SLC36A1: variants seen among roughly 807,000 people sequenced by gnomAD.
SLC36A1 encodes the protein solute carrier family 36 member 1.
Under a neutral mutation model 47.5 loss-of-function variants are expected in SLC36A1, and 30 were observed. The observed-to-expected ratio is 0.63, with a 90% confidence interval of 0.47 to 0.86. SLC36A1 has a LOEUF of 0.86. SLC36A1 is among the 40% of genes least tolerant of loss of function. The pLI, the probability that SLC36A1 is intolerant of heterozygous loss-of-function variation, is 0.00. For missense variants in SLC36A1, 517 were observed against 606.0 expected (o/e 0.85, Z 1.54); for synonymous variants, 255 against 249.7 (o/e 1.02, Z -0.20).
At chr5:151,371,543 G>A in the SLC36A1 span, among the ~76,000 whole-genome samples, 1 of 152,058 alleles carries the variant, frequency 6.6e-6, no homozygotes, top group Non-Finnish European at 1.5e-5. Context: ...TAGGGAGACA[G>A]AACAGAAATT....
At chr5:151,439,760 G>C (rs1222885659) in intron 1 of SLC36A1, among the ~76,000 whole-genome samples, 1 of 151,832 alleles carries the variant, frequency 6.6e-6, no homozygotes, top group Non-Finnish European at 1.5e-5. Context: ...CTTTTCCTAT[G>C]TACTTGAGCT....
At chr5:151,525,011 C>G in the SLC36A1 span, among the ~76,000 whole-genome samples, 1 of 152,234 alleles carries the variant, frequency 6.6e-6, no homozygotes, top group Admixed American at 6.5e-5. Flanking sequence ...CAATGGAAAG[C>G]CCCTGGAGAC....
the SLC36A1 span, among the ~76,000 whole-genome samples, chr5:151,429,184 AT>A: frequency 2.6e-5 from 4 of 151,852 alleles, no homozygotes; most frequent in Non-Finnish European, 4.4e-5. Context: ...CTATGATTTT[AT>A]TTTTTTATTT....
upstream of SLC36A1, among the ~76,000 whole-genome samples, chr5:151,435,585 A>G (rs879232905): frequency 6.6e-6 from 1 of 152,162 alleles, no homozygotes; most frequent in Non-Finnish European, 1.5e-5. Context: ...TTAAGTGCCT[A>G]TATTTTCTGC....
rs1759927151 is a variant in SLC36A1, at chr5:151,489,410, A to G, written c.*1156A>G. 6.6e-6 allele frequency: 1 copy of G among 152,640 alleles called. No individual in the cohort carries two copies. Among genetic ancestry groups the G allele is most frequent in the Admixed American group, 6.5e-5 (1 of 15,276 alleles). The allele number at this position is 152,640 out of a possible 1,614,324, so 9.5% of individuals were successfully genotyped here. On this transcript the variant is annotated 3_prime_UTR_variant, in exon 11 of 11. Coordinates refer to ENST00000243389, the MANE Select transcript of SLC36A1 (RefSeq NM_078483.4). This position sits in a 1 kb window ranked among gnomAD's most constrained non-coding sequence, Gnocchi z 4.5. Reference sequence around the variant, plus strand: ...CGATGAGTAGCTGAGGTCAGTGTGCACAGAGTTTGAAATTAAGTTAATAGA... The same window carrying G: ...CGATGAGTAGCTGAGGTCAGTGTGCGCAGAGTTTGAAATTAAGTTAATAGA...
the SLC36A1 span, chr5:151,531,929 C>A: frequency 6.2e-7 from 1 of 1,614,202 alleles, no homozygotes; most frequent in Non-Finnish European, 8.5e-7. The surrounding 1 kb of genome is among the most constrained non-coding windows in gnomAD (Gnocchi z 5.7). Context: ...AAGTGGCCTT[C>A]GGCTGAATCC....
At chr5:151,507,247 A>C in the SLC36A1 span, 2 of 1,614,204 alleles carry the variant, frequency 1.2e-6, no homozygotes, top group South Asian at 2.2e-5. Flanking sequence ...GGCACACTGC[A>C]GACCACTGGC....
the SLC36A1 span, among the ~76,000 whole-genome samples, chr5:151,358,959 C>A: frequency 8.4e-6 from 1 of 118,896 alleles, no homozygotes; most frequent in Non-Finnish European, 1.6e-5. Flanking sequence ...CCGGCCTGGG[C>A]GACAGAGCGA....
chr5:151,382,341 G>A, the SLC36A1 span: 3 of 861,904 alleles, frequency 3.5e-6, no homozygotes, highest in South Asian at 4.5e-5. Context: ...CCTCCCTGTA[G>A]ATCTGGCCAT....
the SLC36A1 span, chr5:151,532,016 C>G: frequency 4.4e-6 from 7 of 1,593,810 alleles, no homozygotes; most frequent in African/African-American, 6.7e-5. Flanking sequence ...GGCGCCTCCT[C>G]TGGACCTGCC....
At chr5:151,430,076 A>G in the SLC36A1 span, among the ~76,000 whole-genome samples, 1 of 151,878 alleles carries the variant, frequency 6.6e-6, no homozygotes. Flanking sequence ...TATTAGGAGG[A>G]TATAGAGGTA....
chr5:151,373,081 A>T, the SLC36A1 span, among the ~76,000 whole-genome samples: 1 of 142,076 alleles, frequency 7.0e-6, no homozygotes, highest in African/African-American at 2.8e-5. Flanking sequence ...ATTTGAAGAA[A>T]AAAAGAAATA....
At chr5:151,433,347 G>A (rs2127434120), upstream of SLC36A1, among the ~76,000 whole-genome samples, 1 of 122,772 alleles carries the variant, frequency 8.1e-6, no homozygotes, top group East Asian at 2.6e-4. Context: ...GCAATGGCAG[G>A]CCATTGGCTC....
chr5:151,545,506 T>C, the SLC36A1 span: 1 of 1,614,146 alleles, frequency 6.2e-7, no homozygotes, highest in South Asian at 1.1e-5. Context: ...ATATATCTGT[T>C]CTGAGAATCT....
At chr5:151,540,248 T>G in the SLC36A1 span, among the ~76,000 whole-genome samples, 1 of 152,142 alleles carries the variant, frequency 6.6e-6, no homozygotes, top group Non-Finnish European at 1.5e-5. Context: ...CCTAGAATGG[T>G]CCCTGCCCCT....
the SLC36A1 span, chr5:151,553,451 A>C: frequency 6.8e-7 from 1 of 1,459,856 alleles, no homozygotes; most frequent in Admixed American, 1.8e-5. Flanking sequence ...CCAAGCAGCC[A>C]GGACAGGAAC....
intron 5 of SLC36A1, among the ~76,000 whole-genome samples, chr5:151,465,795 A>T (rs764898211): frequency 7.2e-5 from 11 of 152,218 alleles, no homozygotes; most frequent in Admixed American, 1.3e-4. Flanking sequence ...AGGTGAGATA[A>T]ACTAGAGCAG....
At chr5:151,395,422 C>T in the SLC36A1 span, among the ~76,000 whole-genome samples, 2 of 152,242 alleles carry the variant, frequency 1.3e-5, no homozygotes, top group Non-Finnish European at 2.9e-5. Context: ...CCTGCACCTA[C>T]TGTCTGACAA....
At chr5:151,363,996 G>A in the SLC36A1 span, among the ~76,000 whole-genome samples, 1 of 152,192 alleles carries the variant, frequency 6.6e-6, no homozygotes, top group South Asian at 2.1e-4. Flanking sequence ...CAACAGTATA[G>A]TATGTACTAT....
Sources: allele counts gnomAD v4.1 joint callset (sites outside exome capture counted in the v4.1 genomes callset), GRCh38; gene constraint gnomAD v4.1.1; non-coding constraint Gnocchi (gnomAD v3.1); transcripts MANE v1.5; gene names NCBI Gene and HGNC (gene_info 2026-07-23, HGNC 2026-07-21).